TOGARAM2: variants seen among roughly 807,000 people sequenced by gnomAD.
TOGARAM2 encodes TOG array regulator of axonemal microtubules 2.
TOGARAM2 carries 85 observed loss-of-function variants against 93.3 expected under a neutral mutation model. That is an observed-to-expected ratio of 0.91 (90% CI 0.76 to 1.09). The LOEUF is 1.09. Ranked by LOEUF, TOGARAM2 falls within the 50% of genes least tolerant of loss-of-function variation. TOGARAM2 has a pLI of 0.00. For synonymous variants in TOGARAM2, 593 were observed against 552.8 expected, an observed-to-expected ratio of 1.07 and a Z score of -1.02; for missense variants, 1,277 against 1,334.5, an observed-to-expected ratio of 0.96 and a Z score of 0.67.
At chr2:29,044,816 C>T (rs1666641327) in intron 18 of TOGARAM2, among the ~76,000 whole-genome samples, 1 of 152,042 alleles carries the variant, frequency 6.6e-6, no homozygotes, top group African/African-American at 2.4e-5. Context: ...TTGAGAAGAG[C>T]TATACTTTCT....
At chr2:28,962,617 C>T (rs1001484590) in intron 1 of TOGARAM2, among the ~76,000 whole-genome samples, 5 of 152,148 alleles carry the variant, frequency 3.3e-5, no homozygotes, top group African/African-American at 1.2e-4. Flanking sequence ...TTTATCCCTT[C>T]TGCTGGTGGA....
chr2:28,971,079 T>G (rs1215109824), intron 1 of TOGARAM2: 3 of 152,250 alleles, frequency 2.0e-5, no homozygotes, highest in Non-Finnish European at 4.4e-5. Context: ...TGGGACTTGT[T>G]GCTTTTGAGA....
rs1558421101 is a variant in TOGARAM2 at position 29,004,954 on chromosome 2, ATGTGTATGTG to A, written c.830+1277_830+1286del. ...AGTGCATGTGTGTGCATGTGTGTGC[ATGTGTATGTG>A]TGTGAGTGCATGTGTGTATGTGTGT... is the stretch of plus-strand genomic sequence containing the variant. On this transcript the variant is annotated intron_variant, in intron 6 of 19. Coordinates refer to ENST00000379558, the MANE Select transcript of TOGARAM2 (RefSeq NM_199280.4). 3.5e-4 allele frequency among the ~76,000 whole-genome samples: 41 copies of A among 118,222 alleles called. No homozygotes were observed. In the East Asian group the frequency reaches 4.0e-3, roughly 12 times the overall value. 77.6% of individuals were successfully genotyped at this position (118,222 alleles called of 152,430 possible). A position where few individuals can be genotyped will look rare whatever the true frequency, so the allele number is the denominator to read the frequency against.
chr2:28,984,086 A>C (rs4074179), intron 1 of TOGARAM2, among the ~76,000 whole-genome samples: 25,011 of 151,256 alleles, frequency 0.17, 2,202 homozygotes, highest in South Asian at 0.24. Flanking sequence ...ACCAATCACT[A>C]TTCCACATAC....
chr2:28,959,820 T>G (rs1239504924), intron 1 of TOGARAM2, among the ~76,000 whole-genome samples: 1 of 152,270 alleles, frequency 6.6e-6, no homozygotes, highest in East Asian at 1.9e-4. Context: ...GATATAGTCA[T>G]ATGACCCTTA....
chr2:28,964,060 C>T (rs1024141721), intron 1 of TOGARAM2, among the ~76,000 whole-genome samples: 1 of 152,164 alleles, frequency 6.6e-6, no homozygotes, highest in Non-Finnish European at 1.5e-5. Flanking sequence ...CTGTAAATAT[C>T]AATGGAATCA....
At chr2:28,977,552 G>A (rs556552797), upstream of TOGARAM2, among the ~76,000 whole-genome samples, 3 of 152,286 alleles carry the variant, frequency 2.0e-5, no homozygotes, top group Non-Finnish European at 4.4e-5. Flanking sequence ...AAGAAGCGGT[G>A]AATGTTGCAG....
At position 28,990,023 on chromosome 2, in the gene TOGARAM2, C is replaced by G. The variant is rs116761014; in HGVS notation, c.-110-4702C>G. Among the ~76,000 whole-genome samples, 683 of 152,292 alleles carry G rather than the reference C, an allele frequency of 4.5e-3. 6 individuals carry two copies. The highest frequency in any genetic ancestry group is 0.014 in the African/African-American group (580 of 41,540). ...CATAAGTTGGTCACCTGACAACATCCAGAGTCCTCCCTGCAGGTCTACGGC... is the reference window on the plus strand; with the variant it reads ...CATAAGTTGGTCACCTGACAACATCGAGAGTCCTCCCTGCAGGTCTACGGC... On this transcript the variant is annotated intron_variant, in intron 1 of 19. Transcript: ENST00000379558.
intron 16 of TOGARAM2, among the ~76,000 whole-genome samples, chr2:29,035,214 TGA>T (rs1666013958): frequency 6.6e-6 from 1 of 151,530 alleles, no homozygotes; most frequent in South Asian, 2.1e-4. Flanking sequence ...TTCCTCACTC[TGA>T]CTTCCCCCAT....
At chr2:28,982,635 C>T (rs4665438) in intron 1 of TOGARAM2, among the ~76,000 whole-genome samples, 25,195 of 152,116 alleles carry the variant, frequency 0.17, 2,217 homozygotes, top group South Asian at 0.24. Flanking sequence ...GGGGAGATGT[C>T]AACCTGAGCT....
At position 29,018,122 on chromosome 2, in the gene TOGARAM2, T is replaced by A. The variant is rs1035556560; in HGVS notation, c.1360+166T>A. 3.9e-5 allele frequency: 28 copies of A among 714,058 alleles called. No individual in the cohort carries two copies. In the African/African-American group the frequency reaches 4.9e-4, roughly 12 times the overall value. The allele number at this position is 714,058 out of a possible 1,614,324, so 44.2% of individuals were successfully genotyped here. A position where few individuals can be genotyped will look rare whatever the true frequency, so the allele number is the denominator to read the frequency against. ...GTTGCCTTGCCAGAGAGAGAAACAG[T>A]GTCAGGGACTCATCATTGTCTACAG... is the stretch of plus-strand genomic sequence containing the variant. On this transcript the variant is annotated intron_variant, in intron 10 of 19. Coordinates refer to ENST00000379558, the MANE Select transcript of TOGARAM2 (RefSeq NM_199280.4).
At chr2:28,983,675 G>C (rs1394637034) in intron 1 of TOGARAM2, among the ~76,000 whole-genome samples, 1 of 152,108 alleles carries the variant, frequency 6.6e-6, no homozygotes. Context: ...GGGTTCCTAG[G>C]AGTGGAATTG....
At chr2:28,992,249 T>G (rs1168606293) in intron 1 of TOGARAM2, among the ~76,000 whole-genome samples, 1 of 152,130 alleles carries the variant, frequency 6.6e-6, no homozygotes, top group Non-Finnish European at 1.5e-5. Flanking sequence ...GGGTGGTGCC[T>G]CTCACTGCGC....
Position 28,983,194 on chromosome 2 carries a change from ATATATTTTTTTTTTTTTTT to A in TOGARAM2, c.-111+1658_-111+1676del, listed in dbSNP as rs1558400318. Among the ~76,000 whole-genome samples, 2 of 48,518 alleles carry A rather than the reference ATATATTTTTTTTTTTTTTT, an allele frequency of 4.1e-5. 1 individual carries two copies. The highest frequency in any genetic ancestry group is 1.3e-4 in the African/African-American group (2 of 15,998). 31.8% of individuals were successfully genotyped at this position (48,518 alleles called of 152,430 possible). On this transcript the variant is annotated intron_variant, in intron 1 of 19. Transcript: ENST00000379558. ...TATATATAAATATATATATATATAT[ATATATTTTTTTTTTTTTTT>A]TTTTTTTTTTTTTGTAGAGATGGGT...
At chr2:28,990,602 C>G (rs548001247) in intron 1 of TOGARAM2, among the ~76,000 whole-genome samples, 36 of 152,316 alleles carry the variant, frequency 2.4e-4, no homozygotes, top group African/African-American at 7.9e-4. Context: ...ATTTCCTACC[C>G]GTTTTGATCC....
chr2:29,005,767 A>G (rs11675130), intron 6 of TOGARAM2, among the ~76,000 whole-genome samples: 102,136 of 121,638 alleles, frequency 0.84, 44,194 homozygotes, highest in Non-Finnish European at 0.89. Flanking sequence ...GTGTGTGAGT[A>G]CATGTGTGGA....
Position 29,036,720 on chromosome 2 carries a change from T to A in TOGARAM2, c.2598T>A (p.Ala866=), listed in dbSNP as rs767647393. 1.9e-6 allele frequency: 3 copies of A among 1,613,826 alleles called. No individual in the cohort carries two copies. In the South Asian group the frequency reaches 3.3e-5, roughly 18 times the overall value. ...CCAAGAACTCAGGGATTTACGCTGC[T>A]GCCGTGGCTGTGCTGGATGCGATGG... The part of the protein sequence containing the change: ...LNSKNSGIYA[A]AVAVLDAMVE... Residue 866 remains alanine (A), a synonymous_variant, in exon 18 of 20, where the codon GCT becomes GCA. Transcript: ENST00000379558.
rs145362213 is a variant in TOGARAM2 at position 29,034,585 on chromosome 2, G to A, written c.2226-879G>A. ...AGGGACAGTGGGCTCTGCTGGATGG[G>A]ACCTGGGTGTAGGGCATGAGCCAGT... On this transcript the variant is annotated intron_variant, in intron 16 of 19. Coordinates refer to ENST00000379558, the MANE Select transcript of TOGARAM2 (RefSeq NM_199280.4). 1.1e-4 allele frequency among the ~76,000 whole-genome samples: 16 copies of A among 152,358 alleles called. No individual in the cohort carries two copies. In the East Asian group the frequency reaches 1.7e-3, roughly 17 times the overall value.
At position 28,994,747 on chromosome 2, in the gene TOGARAM2, G is replaced by A. The variant is rs1160013984; in HGVS notation, c.-88G>A. 1 of 1,385,580 alleles carries A rather than the reference G, an allele frequency of 7.2e-7. No individual in the cohort carries two copies. The highest frequency in any genetic ancestry group is 1.2e-5 in the South Asian group (1 of 80,470). 85.8% of individuals were successfully genotyped at this position (1,385,580 alleles called of 1,614,324 possible). A position where few individuals can be genotyped will look rare whatever the true frequency, so the allele number is the denominator to read the frequency against. On this transcript the variant is annotated 5_prime_UTR_variant, in exon 2 of 20. Coordinates refer to ENST00000379558, the MANE Select transcript of TOGARAM2 (RefSeq NM_199280.4). ...TAGGTCCCGGATGTTACAGGTCAGA[G>A]CCCTCCAGACCCCCAAGGACTGTAC...
Sources: allele counts gnomAD v4.1 joint callset (sites outside exome capture counted in the v4.1 genomes callset), GRCh38; gene constraint gnomAD v4.1.1; transcripts MANE v1.5; gene names NCBI Gene and HGNC (gene_info 2026-07-23, HGNC 2026-07-21).